The following TNPO1 variants were observed in gnomAD, a reference collection of about 807,000 sequenced individuals.
The protein encoded by TNPO1 is transportin-1.
A neutral mutation model predicts 119.5 loss-of-function variants in TNPO1; 8 were observed. The observed-to-expected ratio is 0.07, with a 90% CI of 0.04 to 0.12. TNPO1 has a LOEUF of 0.12. Ranked by LOEUF, TNPO1 falls within the 10% of genes least tolerant of loss-of-function variation. The probability of loss-of-function intolerance (pLI) is 1.00; values close to 1 mark genes in which losing one functional copy is unlikely to be tolerated. For missense variants in TNPO1, 576 were observed against 1,089.8 expected (o/e 0.53, Z 6.64); for synonymous variants, 362 against 363.0 (o/e 1.00, Z 0.03).
chr5:72,818,353 A>G (rs1444809505), intron 1 of TNPO1, among the ~76,000 whole-genome samples: 1 of 152,218 alleles, frequency 6.6e-6, no homozygotes, highest in Admixed American at 6.5e-5. Context: ...AGCTTTTCCA[A>G]TATCAACATT....
intron 9 of TNPO1, among the ~76,000 whole-genome samples, chr5:72,881,905 G>GT (rs1165765379): frequency 1.3e-5 from 2 of 152,112 alleles, no homozygotes; most frequent in Admixed American, 6.5e-5. Flanking sequence ...ACTTGCTGCA[G>GT]TTTTTTGTCT....
chr5:72,884,239 T>C (rs1748460379), intron 11 of TNPO1, among the ~76,000 whole-genome samples: 1 of 152,198 alleles, frequency 6.6e-6, no homozygotes, highest in South Asian at 2.1e-4. Context: ...TATTATCTCT[T>C]TATTATTATA....
At chr5:72,877,374 C>G (rs763440009) in intron 9 of TNPO1, 28 bp downstream of exon 9, 1 of 1,119,986 alleles carries the variant, frequency 8.9e-7, no homozygotes, top group Non-Finnish European at 1.3e-6. Context: ...TAAATGCTGC[C>G]TTGTTCTTTA....
At chr5:72,872,797 T>A in intron 7 of TNPO1, 77 bp downstream of exon 7, 1 of 753,288 alleles carries the variant, frequency 1.3e-6, no homozygotes, top group Non-Finnish European at 2.1e-6. Context: ...TAACTGCATG[T>A]AGTTTTGCTT....
intron 6 of TNPO1, among the ~76,000 whole-genome samples, chr5:72,868,658 T>C (rs750184115): frequency 8.5e-5 from 13 of 152,134 alleles, no homozygotes; most frequent in Non-Finnish European, 1.9e-4. Flanking sequence ...TTTATTCTAT[T>C]GCTGTTTCAT....
chr5:72,898,891 C>T (rs1019059203), intron 20 of TNPO1, among the ~76,000 whole-genome samples: 1 of 152,042 alleles, frequency 6.6e-6, no homozygotes, highest in Non-Finnish European at 1.5e-5. Flanking sequence ...ACCCCCCACC[C>T]TTTTTTTATG....
At chr5:72,832,959 A>C (rs1327375973) in intron 1 of TNPO1, among the ~76,000 whole-genome samples, 1 of 152,192 alleles carries the variant, frequency 6.6e-6, no homozygotes, top group Non-Finnish European at 1.5e-5. Context: ...GTCAGCTCTC[A>C]GATTTACATT....
chr5:72,839,617 GT>G, intron 1 of TNPO1, among the ~76,000 whole-genome samples: 1 of 152,210 alleles, frequency 6.6e-6, no homozygotes, highest in Admixed American at 6.5e-5. Flanking sequence ...GACTTTTTTA[GT>G]GATTAGTAAT....
chr5:72,843,593 CA>C (rs35891028), intron 1 of TNPO1, among the ~76,000 whole-genome samples: 47,036 of 118,756 alleles, frequency 0.4, 7,745 homozygotes, highest in African/African-American at 0.49. Context: ...GATTCCGTCT[CA>C]AAAAAAAAAA....
chr5:72,894,356 A>G (rs909053425), intron 18 of TNPO1, among the ~76,000 whole-genome samples: 3 of 151,850 alleles, frequency 2.0e-5, no homozygotes, highest in Non-Finnish European at 2.9e-5. Context: ...CCTTTTCTGC[A>G]TCTCAGCATG....
At chr5:72,894,672 A>G (rs1390799658) in intron 18 of TNPO1, among the ~76,000 whole-genome samples, 1 of 152,170 alleles carries the variant, frequency 6.6e-6, no homozygotes, top group African/African-American at 2.4e-5. Flanking sequence ...CTCCGTCTCA[A>G]AAAAAATTAT....
At chr5:72,861,659 C>T (rs1746458378) in intron 4 of TNPO1, 149 bp from the exon 5 acceptor site, 3 of 576,218 alleles carry the variant, frequency 5.2e-6, no homozygotes, top group Non-Finnish European at 6.2e-6. Context: ...CCGCCTCGGC[C>T]TCCCAGAATG....
intron 20 of TNPO1, among the ~76,000 whole-genome samples, chr5:72,898,637 T>TCC (rs1749612707): frequency 6.6e-6 from 1 of 152,164 alleles, no homozygotes; most frequent in South Asian, 2.1e-4. Context: ...TAAAGCCAAT[T>TCC]CCTTAGTCTG....
chr5:72,859,330 C>T (rs563807908), intron 4 of TNPO1, among the ~76,000 whole-genome samples: 1 of 152,162 alleles, frequency 6.6e-6, no homozygotes, highest in African/African-American at 2.4e-5. Flanking sequence ...CCAGCAGCAG[C>T]CACATACCCT....
chr5:72,896,583 C>T, intron 19 of TNPO1, 27 bp downstream of exon 19: 1 of 1,588,196 alleles, frequency 6.3e-7, no homozygotes, highest in South Asian at 1.1e-5. Context: ...TATTTAAAAG[C>T]ATAAGGCCTG....
At chr5:72,899,942 C>T in intron 20 of TNPO1, 64 bp from the exon 21 acceptor site, 4 of 1,252,214 alleles carry the variant, frequency 3.2e-6, no homozygotes, top group South Asian at 1.3e-5. Flanking sequence ...TTTCTCCTTC[C>T]CCCTCATTTG....
At chr5:72,892,400 G>A (rs1749128756) in intron 15 of TNPO1, among the ~76,000 whole-genome samples, 1 of 152,002 alleles carries the variant, frequency 6.6e-6, no homozygotes, top group Non-Finnish European at 1.5e-5. Context: ...ACCAGTTCAG[G>A]CCTTTTCATT....
At chr5:72,880,169 A>C (rs1382554492) in intron 9 of TNPO1, among the ~76,000 whole-genome samples, 2 of 152,120 alleles carry the variant, frequency 1.3e-5, no homozygotes, top group Non-Finnish European at 2.9e-5. Context: ...ACTCCAGCCT[A>C]GGCAACAGAG....
At chr5:72,822,348 G>A (rs1743999606) in intron 1 of TNPO1, among the ~76,000 whole-genome samples, 1 of 151,350 alleles carries the variant, frequency 6.6e-6, no homozygotes, top group Non-Finnish European at 1.5e-5. Flanking sequence ...CATTATACTG[G>A]CCAAAGAGAA....
Sources: gnomAD v4.1 joint callset for allele counts (sites outside exome capture counted in the v4.1 genomes callset) on GRCh38, gnomAD v4.1.1 for gene constraint, MANE v1.5 for transcripts, NCBI Gene and HGNC (gene_info 2026-07-23, HGNC 2026-07-21) for gene names.